Variants in ASPDH observed in about 807,000 individuals in gnomAD.
ASPDH encodes the protein aspartate dehydrogenase domain containing.
Under a neutral mutation model 30.5 loss-of-function variants are expected in ASPDH, and 25 were observed. The observed-to-expected ratio is 0.82, with a 90% CI of 0.60 to 1.14. The LOEUF (loss-of-function observed/expected upper bound fraction) is 1.14, where lower values mean the gene tolerates loss of function less well. Among genes scored for constraint, ASPDH ranks in the 50% most tolerant of loss-of-function variants. The pLI, the probability that ASPDH is intolerant of heterozygous loss-of-function variation, is 0.00. For synonymous variants in ASPDH, 168 were observed against 156.3 expected, an observed-to-expected ratio of 1.07 and a Z score of -0.56; for missense variants, 401 against 381.5, an observed-to-expected ratio of 1.05 and a Z score of -0.43.
Position 50,513,874 on chromosome 19 carries a change from G to A in ASPDH, c.-51C>T, listed in dbSNP as rs990860403. 1.2e-5 allele frequency: 18 copies of A among 1,535,020 alleles called. No homozygotes were observed. The highest frequency in any genetic ancestry group is 8.2e-5 in the Admixed American group (4 of 48,598). On this transcript the variant is annotated 5_prime_UTR_variant, in exon 1 of 7. Transcript: ENST00000389208. This position sits in a 1 kb window ranked among gnomAD's most constrained non-coding sequence, Gnocchi z 4.9. ...TGGCTCCCTGGGCTGCTCGCTGCCC[G>A]CTGCACAAGGCCTGGGCAGCCGCTG...
In ASPDH at chr19:50,512,519, G is replaced by A; in HGVS notation, c.494C>T (p.Ala165Val). Residue 165 changes from alanine to valine, a missense_variant, in exon 5 of 7, where the codon GCA becomes GTA. Ala to Val is a moderately conservative substitution (Grantham distance 64). Coordinates refer to ENST00000389208, the MANE Select transcript of ASPDH (RefSeq NM_001114598.2). ...DGFRLEGPLAAAHSPGPCTVL... is the reference protein window; with the variant it reads ...DGFRLEGPLAVAHSPGPCTVL... The stretch of plus-strand genomic sequence containing the variant: ...AGTGCAAGGCCCAGGGCTGTGGGCT[G>A]CAGCCAGGGGTCCCTCAAGCCGGAA... 1 of 1,537,136 alleles carries A rather than the reference G, an allele frequency of 6.5e-7. No individual in the cohort carries two copies. The highest frequency in any genetic ancestry group is 2.0e-5 in the Admixed American group (1 of 49,128).
At position 50,513,274 on chromosome 19, in the gene ASPDH, T is replaced by G; in HGVS notation, c.195A>C (p.Glu65Asp). 1 of 1,478,024 alleles carries G rather than the reference T, an allele frequency of 6.8e-7. No homozygotes were observed. Among genetic ancestry groups the G allele is most frequent in the Non-Finnish European group, 9.0e-7 (1 of 1,112,970 alleles). The allele number at this position is 1,478,024 out of a possible 1,614,324, so 91.6% of individuals were successfully genotyped here. A position where few individuals can be genotyped will look rare whatever the true frequency, so the allele number is the denominator to read the frequency against. The change falls in exon 2 of 7, where the codon GAA becomes GAC. Residue 65 changes from glutamate (E) to aspartate (D), a missense_variant and splice_region_variant. Physicochemically the swap from Glu to Asp is conservative, Grantham distance 45. Coordinates refer to ENST00000389208, the MANE Select transcript of ASPDH (RefSeq NM_001114598.2). This position sits in a 1 kb window ranked among gnomAD's most constrained non-coding sequence, Gnocchi z 4.9. ...TCTCCCATGGCAAGGTCACTGACCT[T>G]TCCCCAAGGGCAGCAAGGTTCTGGA... ...LQLQNLAALG[E>D]RRPDLVVEVA...
chr19:50,513,679 A>G lies in ASPDH; in HGVS notation c.52+93T>C. 3.0e-6 allele frequency: 3 copies of G among 992,750 alleles called. No homozygotes were observed. Among genetic ancestry groups the G allele is most frequent in the Non-Finnish European group, 4.6e-6 (3 of 651,750 alleles). The allele number at this position is 992,750 out of a possible 1,614,324, so 61.5% of individuals were successfully genotyped here. A position where few individuals can be genotyped will look rare whatever the true frequency, so the allele number is the denominator to read the frequency against. On this transcript the variant is annotated intron_variant, in intron 1 of 6. Transcript: ENST00000389208. This position sits in a 1 kb window ranked among gnomAD's most constrained non-coding sequence, Gnocchi z 4.9. ...CCCAGAGACACAGCCAGGGGCAGAT[A>G]GAGAGAGAAAAAAGTGTTTGTGGAG... is the stretch of plus-strand genomic sequence containing the variant.
rs771509177 is a variant in ASPDH, at chr19:50,512,284, C to G, written c.660G>C (p.Thr220=). 4.3e-6 allele frequency: 7 copies of G among 1,613,640 alleles called. No homozygotes were observed. The African/African-American group carries it at 9.3e-5, about 22-fold the overall frequency. The change falls in exon 6 of 7, where the codon ACG becomes ACC. Residue 220 remains threonine (T), a synonymous_variant. Coordinates refer to ENST00000389208, the MANE Select transcript of ASPDH (RefSeq NM_001114598.2). The stretch of plus-strand genomic sequence containing the variant: ...GCTCTACATCCACCACGTGCATGTC[C>G]GTGAGGCTGGGACAAGAGGGGCAGT... ...IGVLVADTSL[T]DMHVVDVELS...
rs749762550 is a variant in ASPDH, at chr19:50,512,223, C to G, written c.721G>C (p.Ala241Pro). 12 of 1,611,708 alleles carry G rather than the reference C, an allele frequency of 7.4e-6. No individual in the cohort carries two copies. The South Asian group carries it at 1.3e-4, about 18-fold the overall frequency. ...GGGTTCTCTCTGCGGGTGTGCACAG[C>G]AAAGCTTCGGCCCGTGGGGCCCCGG... ...GPRGPTGRSF[A>P]VHTRRENPAE... is the part of the protein sequence containing the mutation. Residue 241 changes from alanine to proline, a missense_variant, in exon 6 of 7, where the codon GCT becomes CCT. By Grantham distance (27) the Ala-to-Pro change is conservative. Coordinates refer to ENST00000389208, the MANE Select transcript of ASPDH (RefSeq NM_001114598.2).
At chr19:50,514,409 C>T (rs756288685), upstream of ASPDH, 69 of 1,604,164 alleles carry the variant, frequency 4.3e-5, no homozygotes, top group South Asian at 6.6e-5. Context: ...CTGCGCAGCA[C>T]GGGTCCCCTT....
upstream of ASPDH, chr19:50,514,820 C>A: frequency 7.9e-7 from 1 of 1,262,022 alleles, no homozygotes; most frequent in African/African-American, 1.5e-5. Context: ...GGGGCGGGCA[C>A]TGGGTGGCGA....
chr19:50,514,566 T>TC, upstream of ASPDH: 1 of 1,613,488 alleles, frequency 6.2e-7, no homozygotes, highest in South Asian at 1.1e-5. Flanking sequence ...TCCCTCCCGT[T>TC]CCCCAGCTCG....
upstream of ASPDH, chr19:50,514,921 G>C (rs1029622094): frequency 5.1e-6 from 5 of 985,310 alleles, no homozygotes; most frequent in African/African-American, 8.7e-5. Context: ...GGCTGCCGCT[G>C]CTGATAAGGG....
chr19:50,514,427 C>T (rs1439966374), upstream of ASPDH: 2 of 1,612,902 alleles, frequency 1.2e-6, no homozygotes, highest in Admixed American at 3.3e-5. Context: ...CTTCCCACAG[C>T]CTCCGCCCCT....
rs985143071 is a variant in ASPDH, at chr19:50,513,457, G to T, written c.53-41C>A. The T allele has an allele frequency of 1.4e-6, 2 of 1,453,848 alleles. No homozygotes were observed. Among genetic ancestry groups the T allele is most frequent in the Admixed American group, 2.8e-5 (1 of 35,760 alleles). The allele number at this position is 1,453,848 out of a possible 1,614,324, so 90.1% of individuals were successfully genotyped here. A position where few individuals can be genotyped will look rare whatever the true frequency, so the allele number is the denominator to read the frequency against. On this transcript the variant is annotated intron_variant, in intron 1 of 6. Coordinates refer to ENST00000389208, the MANE Select transcript of ASPDH (RefSeq NM_001114598.2). The surrounding 1 kb of genome is among the most constrained non-coding windows in gnomAD (Gnocchi z 4.9). ...GGAGAGGGCTAGAGATCCAGAGAGA[G>T]GGGGACAGAGACCCAGAGAGAGAGG... is the stretch of plus-strand genomic sequence containing the variant.
At position 50,513,164 on chromosome 19, in the gene ASPDH, G is replaced by A. The variant is rs1980067589; in HGVS notation, c.197+108C>T. ...GGTTCGTCCTGTTTCACATTTGCTT[G>A]AACCAAGGCCCAGAGAGGGTCAGGG... On this transcript the variant is annotated intron_variant, in intron 2 of 6. Coordinates refer to ENST00000389208, the MANE Select transcript of ASPDH (RefSeq NM_001114598.2). The surrounding 1 kb of genome is among the most constrained non-coding windows in gnomAD (Gnocchi z 4.9). 4 of 1,305,038 alleles carry A rather than the reference G, an allele frequency of 3.1e-6. No individual in the cohort carries two copies. The South Asian group carries it at 6.2e-5, about 20-fold the overall frequency. The allele number at this position is 1,305,038 out of a possible 1,614,324, so 80.8% of individuals were successfully genotyped here.
chr19:50,512,327 A>G (rs1335688583), intron 5 of ASPDH, 33 bp downstream of exon 5: 1 of 1,613,702 alleles, frequency 6.2e-7, no homozygotes, highest in African/African-American at 1.3e-5. Flanking sequence ...GAGAGCCTGG[A>G]CTCAGCCCAA....
Position 50,513,231 on chromosome 19 carries a change from A to C in ASPDH, c.197+41T>G. The C allele has an allele frequency of 7.0e-7, 1 of 1,437,742 alleles. No individual in the cohort carries two copies. The allele number at this position is 1,437,742 out of a possible 1,614,324, so 89.1% of individuals were successfully genotyped here. On this transcript the variant is annotated intron_variant, in intron 2 of 6. Coordinates refer to ENST00000389208, the MANE Select transcript of ASPDH (RefSeq NM_001114598.2). The surrounding 1 kb of genome is among the most constrained non-coding windows in gnomAD (Gnocchi z 4.9). ...CAGTGGCTAAGAGAGCCAGGACAGG[A>C]GCTTCAGGGAGCTCCACTCTCCCAT...
rs1259224911 is a variant in ASPDH at position 50,513,079 on chromosome 19, C to G, written c.198-68G>C. The G allele has an allele frequency of 7.8e-6, 11 of 1,413,010 alleles. No individual in the cohort carries two copies. The highest frequency in any genetic ancestry group is 2.6e-5 in the South Asian group (2 of 77,466). The allele number at this position is 1,413,010 out of a possible 1,614,324, so 87.5% of individuals were successfully genotyped here. ...AGGCCTCTTCTCCCCAAGGTTCCCTCCGAGTCTACTGAGGGCTGCCCTTCT... is the reference window on the plus strand; with the variant it reads ...AGGCCTCTTCTCCCCAAGGTTCCCTGCGAGTCTACTGAGGGCTGCCCTTCT... On this transcript the variant is annotated intron_variant, in intron 2 of 6. Coordinates refer to ENST00000389208, the MANE Select transcript of ASPDH (RefSeq NM_001114598.2). This position sits in a 1 kb window ranked among gnomAD's most constrained non-coding sequence, Gnocchi z 4.9.
At chr19:50,512,091 C>A in intron 6 of ASPDH, 45 bp downstream of exon 6, 1 of 1,473,638 alleles carries the variant, frequency 6.8e-7, no homozygotes, top group South Asian at 1.3e-5. Context: ...CCAAGCTCTG[C>A]AGAACACAGG....
upstream of ASPDH, chr19:50,514,714 CACCTGGT>C (rs2122740459): frequency 6.8e-7 from 1 of 1,461,296 alleles, no homozygotes; most frequent in Non-Finnish European, 9.0e-7. Context: ...CCCCAGCCAC[CACCTGGT>C]ACCCGCTGCA....
Position 50,512,229 on chromosome 19 carries a change from T to G in ASPDH, c.715A>C (p.Ser239Arg). 6.2e-7 allele frequency: 1 copy of G among 1,612,042 alleles called. No individual in the cohort carries two copies. Among genetic ancestry groups the G allele is most frequent in the Non-Finnish European group, 8.5e-7 (1 of 1,179,608 alleles). ...LSGPRGPTGR[S>R]FAVHTRRENP... is the part of the protein sequence containing the mutation. ...TCTCTGCGGGTGTGCACAGCAAAGCTTCGGCCCGTGGGGCCCCGGGGTCCG... is the reference window on the plus strand; with the variant it reads ...TCTCTGCGGGTGTGCACAGCAAAGCGTCGGCCCGTGGGGCCCCGGGGTCCG... The change falls in exon 6 of 7, where the codon AGC (serine) becomes CGC (arginine). Residue 239 changes from serine to arginine, a missense_variant. Transcript: ENST00000389208.
At position 50,512,540 on chromosome 19, in the gene ASPDH, C is replaced by T. The variant is rs541974073; in HGVS notation, c.473G>A (p.Arg158Gln). 4.0e-5 allele frequency: 62 copies of T among 1,535,782 alleles called. No homozygotes were observed. The African/African-American group carries it at 6.5e-4, about 16-fold the overall frequency. The change falls in exon 5 of 7, where the codon CGG (arginine) becomes CAG (glutamine). Residue 158 changes from arginine (R) to glutamine (Q), a missense_variant. By Grantham distance (43) the Arg-to-Gln change is conservative. Coordinates refer to ENST00000389208, the MANE Select transcript of ASPDH (RefSeq NM_001114598.2). ...VTMATHPDGF[R>Q]LEGPLAAAHS... is the part of the protein sequence containing the mutation. Reference sequence around the variant, plus strand: ...GGCTGCAGCCAGGGGTCCCTCAAGCCGGAAGCCATCGGGGTGTGTGGCCAT... The same window carrying T: ...GGCTGCAGCCAGGGGTCCCTCAAGCTGGAAGCCATCGGGGTGTGTGGCCAT...
Sources: gnomAD v4.1 joint callset for allele counts on GRCh38, gnomAD v4.1.1 for gene constraint, Gnocchi (gnomAD v3.1) non-coding constraint, MANE v1.5 for transcripts, NCBI Gene and HGNC (gene_info 2026-07-23, HGNC 2026-07-21) for gene names.